Variants in COPS3 observed in about 807,000 individuals in gnomAD.
COPS3 encodes COP9 signalosome complex subunit 3.
Under a neutral mutation model 58.2 loss-of-function variants are expected in COPS3, and 10 were observed. The observed-to-expected ratio is 0.17, with a 90% CI of 0.11 to 0.29. The LOEUF (loss-of-function observed/expected upper bound fraction) is 0.29. Ranked by LOEUF, COPS3 falls within the 10% of genes least tolerant of loss-of-function variation. COPS3 has a pLI of 1.00. For missense variants in COPS3, 333 were observed against 510.1 expected (o/e 0.65, Z 3.34); for synonymous variants, 187 against 181.7 (o/e 1.03, Z -0.24).
In COPS3 at chr17:17,267,412, G is replaced by A. The variant is rs544886706; in HGVS notation, c.441+473C>T. ...TCCTAGCACTTTGGGAGGCTGAGGC[G>A]GGTGGATCATGAGGTCAGGAGTTCA... On this transcript the variant is annotated intron_variant, in intron 5 of 11. Coordinates refer to ENST00000268717, the MANE Select transcript of COPS3 (RefSeq NM_003653.4). Among the ~76,000 whole-genome samples, 309 of 151,824 alleles carry A rather than the reference G, an allele frequency of 2.0e-3. 1 individual carries two copies. Among genetic ancestry groups the A allele is most frequent in the Non-Finnish European group, 2.8e-3 (192 of 67,952 alleles).
intron 6 of COPS3, 35 bp from the exon 7 acceptor site, chr17:17,262,141 C>T: frequency 6.3e-7 from 1 of 1,583,942 alleles, no homozygotes; most frequent in Middle Eastern, 1.7e-4. Flanking sequence ...GTAAAGAGAA[C>T]ATACCACAGT....
chr17:17,266,441 G>A (rs2048222546), intron 5 of COPS3, among the ~76,000 whole-genome samples: 1 of 152,144 alleles, frequency 6.6e-6, no homozygotes, highest in African/African-American at 2.4e-5. Flanking sequence ...CAAACAGAAT[G>A]GGAAGGAGAC....
Position 17,255,730 on chromosome 17 carries a change from C to T in COPS3, c.937-785G>A, listed in dbSNP as rs148749444. ...TGGCAGGCACCTGTAATCCCAGCTGCTCAGGAGGCTGAGGCAGGATAATCG... is the reference window on the plus strand; with the variant it reads ...TGGCAGGCACCTGTAATCCCAGCTGTTCAGGAGGCTGAGGCAGGATAATCG... On this transcript the variant is annotated intron_variant, in intron 8 of 11. Transcript: ENST00000268717. 3.6e-3 allele frequency among the ~76,000 whole-genome samples: 546 copies of T among 151,600 alleles called. 3 individuals are homozygous for T. Among genetic ancestry groups the T allele is most frequent in the Non-Finnish European group, 6.0e-3 (405 of 67,922 alleles).
chr17:17,250,040 G>A (rs2047807729), intron 9 of COPS3, among the ~76,000 whole-genome samples: 1 of 152,102 alleles, frequency 6.6e-6, no homozygotes, highest in South Asian at 2.1e-4. Context: ...GAGGCCCTAG[G>A]CCCATTAGCA....
At chr17:17,255,070 G>A (rs1055805163) in intron 8 of COPS3, 125 bp from the exon 9 acceptor site, 2 of 625,566 alleles carry the variant, frequency 3.2e-6, no homozygotes, top group Non-Finnish European at 5.7e-6. Context: ...GGGAGGCTGA[G>A]GTGGGCAGAT....
At chr17:17,267,327 C>CAAA (rs778325363) in intron 5 of COPS3, among the ~76,000 whole-genome samples, 1 of 50,368 alleles carries the variant, frequency 2.0e-5, no homozygotes, top group African/African-American at 8.3e-5. Flanking sequence ...GACTCCGTCT[C>CAAA]AAAAAAAAAA....
intron 9 of COPS3, among the ~76,000 whole-genome samples, chr17:17,250,744 G>T (rs1031319221): frequency 6.6e-6 from 1 of 152,186 alleles, no homozygotes; most frequent in Admixed American, 6.5e-5. Flanking sequence ...ATAATAACTT[G>T]TCCATTTGTT....
At chr17:17,258,322 G>C (rs1420572825) in intron 8 of COPS3, among the ~76,000 whole-genome samples, 2 of 152,010 alleles carry the variant, frequency 1.3e-5, no homozygotes, top group African/African-American at 4.8e-5. Context: ...TTTTTGAGAC[G>C]GAGTCTCACT....
At chr17:17,268,784 A>T (rs903394657) in intron 4 of COPS3, among the ~76,000 whole-genome samples, 1 of 151,710 alleles carries the variant, frequency 6.6e-6, no homozygotes, top group African/African-American at 2.4e-5. Context: ...GCGCCACTGC[A>T]CTCCAGCCTG....
chr17:17,260,561 T>C (rs1237360762), intron 7 of COPS3, 87 bp from the exon 8 acceptor site: 11 of 1,337,744 alleles, frequency 8.2e-6, no homozygotes, highest in Non-Finnish European at 1.2e-5. Context: ...CTCAACACTT[T>C]GGGAGGCCGA....
At chr17:17,277,840 G>A (rs1050730591) in intron 1 of COPS3, among the ~76,000 whole-genome samples, 5 of 152,102 alleles carry the variant, frequency 3.3e-5, no homozygotes, top group South Asian at 2.1e-4. Flanking sequence ...CAGATCTCTC[G>A]AGGTCAGGAG....
intron 4 of COPS3, among the ~76,000 whole-genome samples, chr17:17,268,418 C>T (rs1373787401): frequency 6.6e-6 from 1 of 152,060 alleles, no homozygotes; most frequent in Non-Finnish European, 1.5e-5. Context: ...AAATTACTAC[C>T]AAAACTAACA....
At chr17:17,260,111 C>T (rs1454091028) in intron 8 of COPS3, among the ~76,000 whole-genome samples, 190 bp downstream of exon 8, 1 of 152,158 alleles carries the variant, frequency 6.6e-6, no homozygotes, top group Non-Finnish European at 1.5e-5. Context: ...CCTGCTCTAG[C>T]CCTGAAAAGA....
At chr17:17,276,802 C>T (rs555304780) in intron 1 of COPS3, among the ~76,000 whole-genome samples, 1 of 152,162 alleles carries the variant, frequency 6.6e-6, no homozygotes, top group East Asian at 1.9e-4. Context: ...GAACTCCTGA[C>T]CTCATGATCC....
At chr17:17,280,766 G>C (rs1029829) in intron 1 of COPS3, 583,137 of 1,236,790 alleles carry the variant, frequency 0.47, 143,897 homozygotes, top group East Asian at 0.62. Flanking sequence ...ACATGGCGGT[G>C]CGCCAATCAC....
chr17:17,277,039 C>T (rs950150200), intron 1 of COPS3, among the ~76,000 whole-genome samples: 4 of 152,196 alleles, frequency 2.6e-5, no homozygotes. Flanking sequence ...TCCCCTCACA[C>T]ACCTACTCTT....
rs202109207 is a variant in COPS3 at position 17,261,450 on chromosome 17, C to T, written c.762+516G>A. On this transcript the variant is annotated intron_variant, in intron 7 of 11. Transcript: ENST00000268717. ...CTAAGGCAGGAGAATCGCTTGAACC[C>T]GGGAGGCAGAGGTTGCAGTGAGCTG... 14 of 216,934 alleles carry T rather than the reference C, an allele frequency of 6.5e-5. 1 individual carries two copies. The highest frequency in any genetic ancestry group is 4.7e-4 in the South Asian group (8 of 16,982). The allele number at this position is 216,934 out of a possible 1,614,324, so 13.4% of individuals were successfully genotyped here.
chr17:17,267,531 G>A (rs181049820), intron 5 of COPS3, among the ~76,000 whole-genome samples: 13 of 150,968 alleles, frequency 8.6e-5, no homozygotes, highest in Non-Finnish European at 1.5e-4. Flanking sequence ...TCAGCTACGC[G>A]AGAGGCTGAG....
chr17:17,268,529 C>T (rs1394790885), intron 4 of COPS3, among the ~76,000 whole-genome samples: 1 of 152,170 alleles, frequency 6.6e-6, no homozygotes, highest in Non-Finnish European at 1.5e-5. Context: ...AATATAGTCT[C>T]TTCCAAAATT....
Sources: allele counts gnomAD v4.1 joint callset (sites outside exome capture counted in the v4.1 genomes callset), GRCh38; gene constraint gnomAD v4.1.1; transcripts MANE v1.5; gene names NCBI Gene and HGNC (gene_info 2026-07-23, HGNC 2026-07-21).